Variants in AFDN observed in about 807,000 individuals in gnomAD.
The protein encoded by AFDN is afadin, adherens junction formation factor.
Under a neutral mutation model 216.6 loss-of-function variants are expected in AFDN, and 68 were observed. The ratio of observed to expected loss-of-function variants is 0.31; its 90% CI spans 0.26 to 0.38. AFDN has a LOEUF of 0.38. AFDN is among the 10% of genes least tolerant of loss of function. AFDN has a pLI of 1.00. For synonymous variants in AFDN, 868 were observed against 853.7 expected, an observed-to-expected ratio of 1.02 and a Z score of -0.29; for missense variants, 2,136 against 2,342.0, an observed-to-expected ratio of 0.91 and a Z score of 1.82.
rs1790944171 is a variant in AFDN at position 167,915,524 on chromosome 6, T to G, written c.2565+91T>G. On this transcript the variant is annotated intron_variant, in intron 19 of 33. Coordinates refer to ENST00000683244, the MANE Select transcript of AFDN (RefSeq NM_001386888.1). ...GCAAGAGCTTCAATGCAGCAAAACC[T>G]CAATACCCTCTTTTTGGGGTTTTTC... is the stretch of plus-strand genomic sequence containing the variant. 9.1e-6 allele frequency: 13 copies of G among 1,421,792 alleles called. No individual in the cohort carries two copies. In the African/African-American group the frequency reaches 1.3e-4, roughly 14 times the overall value. The allele number at this position is 1,421,792 out of a possible 1,614,324, so 88.1% of individuals were successfully genotyped here.
intron 1 of AFDN, among the ~76,000 whole-genome samples, chr6:167,855,873 A>G (rs1291614168): frequency 6.6e-6 from 1 of 152,182 alleles, no homozygotes; most frequent in Non-Finnish European, 1.5e-5. Context: ...CTGAGAAATG[A>G]TAAGTCATAG....
intron 21 of AFDN, 32 bp downstream of exon 21, chr6:167,918,965 A>G (rs749231174): frequency 2.2e-5 from 34 of 1,578,224 alleles, no homozygotes; most frequent in South Asian, 4.5e-5. Context: ...AGTCTGAGCT[A>G]CGCCCCAGGT....
chr6:167,888,275 GAA>G (rs1416380902), intron 6 of AFDN, among the ~76,000 whole-genome samples: 2 of 152,058 alleles, frequency 1.3e-5, no homozygotes, highest in Non-Finnish European at 2.9e-5. Context: ...AGTGTAGAGA[GAA>G]ATTACAGGGT....
At position 167,844,177 on chromosome 6, in the gene AFDN, AGTGTGTGTGTGT is replaced by A. The variant is rs71004173; in HGVS notation, c.105+16971_105+16982del. Among the ~76,000 whole-genome samples, 1,243 of 141,782 alleles carry A rather than the reference AGTGTGTGTGTGT, an allele frequency of 8.8e-3. 21 individuals carry two copies. The highest frequency in any genetic ancestry group is 0.029 in the African/African-American group (1,103 of 37,846). The allele number at this position is 141,782 out of a possible 152,430, so 93.0% of individuals were successfully genotyped here. On this transcript the variant is annotated intron_variant, in intron 1 of 33. Coordinates refer to ENST00000683244, the MANE Select transcript of AFDN (RefSeq NM_001386888.1). ...TTTGCTCTTGTAGACTCAAAAATGA[AGTGTGTGTGTGT>A]GTGTGTGTGTGTGTGTGTGTGTGTG...
chr6:167,879,589 GACC>G (rs1281980375), intron 5 of AFDN, among the ~76,000 whole-genome samples: 1 of 152,132 alleles, frequency 6.6e-6, no homozygotes, highest in East Asian at 1.9e-4. Context: ...ATTAATCTTG[GACC>G]ATAGGTAGAA....
chr6:167,835,763 T>C (rs929386079), intron 1 of AFDN, among the ~76,000 whole-genome samples: 4 of 152,220 alleles, frequency 2.6e-5, no homozygotes, highest in African/African-American at 9.6e-5. Flanking sequence ...TGTCAAAATA[T>C]TACTAAGAAA....
At chr6:167,886,656 GTTTT>G (rs560783190) in intron 6 of AFDN, among the ~76,000 whole-genome samples, 110 of 152,256 alleles carry the variant, frequency 7.2e-4, no homozygotes, top group African/African-American at 2.5e-3. Flanking sequence ...GATATGATGG[GTTTT>G]TTAAGTGGTC....
At chr6:167,844,177 A>AGT (rs71004173) in intron 1 of AFDN, among the ~76,000 whole-genome samples, 9,344 of 141,660 alleles carry the variant, frequency 0.066, 360 homozygotes, top group East Asian at 0.15. Flanking sequence ...TCAAAAATGA[A>AGT]GTGTGTGTGT....
chr6:167,953,822 C>A (rs993505815), intron 30 of AFDN, among the ~76,000 whole-genome samples: 2 of 152,134 alleles, frequency 1.3e-5, no homozygotes, highest in African/African-American at 4.8e-5. Context: ...ATCCTAAGGA[C>A]GTTCATGGCC....
At chr6:167,960,664 G>A (rs979944746) in intron 30 of AFDN, among the ~76,000 whole-genome samples, 2 of 152,104 alleles carry the variant, frequency 1.3e-5, no homozygotes, top group African/African-American at 4.8e-5. Context: ...GTTTCTCCTA[G>A]TTCTCCTAGT....
At chr6:167,839,507 A>G (rs1418620684) in intron 1 of AFDN, among the ~76,000 whole-genome samples, 1 of 152,154 alleles carries the variant, frequency 6.6e-6, no homozygotes, top group Non-Finnish European at 1.5e-5. Context: ...ACTTTGTCAG[A>G]GATGAAGGAA....
rs145723850 is a variant in AFDN at position 167,951,692 on chromosome 6, G to A, written c.4338G>A (p.Arg1446=). Reference sequence around the variant, plus strand: ...AGAGGAAGCGGAGAGAGCAGGAGAGGAAGTTGGGCCAGATGCGCACTCAGT... The same window carrying A: ...AGAGGAAGCGGAGAGAGCAGGAGAGAAAGTTGGGCCAGATGCGCACTCAGT... ...ERERKRREQE[R]KLGQMRTQSL... is the part of the protein sequence containing the mutation. Residue 1446 remains arginine, a synonymous_variant, in exon 30 of 34, where the codon AGG becomes AGA. Transcript: ENST00000683244. The surrounding 1 kb of genome is among the most constrained non-coding windows in gnomAD (Gnocchi z 7.1). The A allele has an allele frequency of 1.5e-5, 25 of 1,613,950 alleles. No homozygotes were observed. Among genetic ancestry groups the A allele is most frequent in the Admixed American group, 3.3e-5 (2 of 60,002 alleles).
Position 167,896,868 on chromosome 6 carries a change from C to T in AFDN, c.1223-10C>T, listed in dbSNP as rs1258410653. On this transcript the variant is annotated splice_polypyrimidine_tract_variant and intron_variant, in intron 9 of 33. Coordinates refer to ENST00000683244, the MANE Select transcript of AFDN (RefSeq NM_001386888.1). ...TTGCAAATAGAGCTGTCTTCCTTCT[C>T]TTCTCACAGATGGTTCTGACTCTAG... is the stretch of plus-strand genomic sequence containing the variant. 3.2e-5 allele frequency: 51 copies of T among 1,580,470 alleles called. No individual in the cohort carries two copies. The highest frequency in any genetic ancestry group is 4.3e-5 in the Non-Finnish European group (49 of 1,150,746).
At chr6:167,924,866 T>G (rs1792301774) in intron 22 of AFDN, 139 bp from the exon 23 acceptor site, 1 of 746,934 alleles carries the variant, frequency 1.3e-6, no homozygotes, top group African/African-American at 1.7e-5. Flanking sequence ...AATTGAAATT[T>G]TTTTTACTGT....
rs564546190 is a variant in AFDN, at chr6:167,857,522, C to T, written c.106-7029C>T. On this transcript the variant is annotated intron_variant, in intron 1 of 33. Transcript: ENST00000683244. The stretch of plus-strand genomic sequence containing the variant: ...TTTTACTGGCTAGATAGTTCCCTGT[C>T]ACTAGATTTTTTTCAGGGGGTTCTT... Among the ~76,000 whole-genome samples the T allele has an allele frequency of 2.8e-4, 43 of 152,112 alleles. No homozygotes were observed. In the South Asian group the frequency reaches 8.5e-3, roughly 30 times the overall value.
intron 5 of AFDN, among the ~76,000 whole-genome samples, chr6:167,878,500 G>A (rs1364268628): frequency 2.0e-5 from 3 of 152,154 alleles, no homozygotes; most frequent in African/African-American, 7.2e-5. Context: ...GAAAGCACAA[G>A]TGACATTTTG....
intron 1 of AFDN, among the ~76,000 whole-genome samples, chr6:167,828,242 C>T (rs144432658): frequency 2.8e-4 from 42 of 152,318 alleles, no homozygotes; most frequent in African/African-American, 9.9e-4. Context: ...CTATAAAATA[C>T]TAGCTCCTAG....
In AFDN at chr6:167,918,821, G is replaced by A; in HGVS notation, c.2796G>A (p.Glu932=). 2 of 1,612,890 alleles carry A rather than the reference G, an allele frequency of 1.2e-6. No homozygotes were observed. The highest frequency in any genetic ancestry group is 1.7e-6 in the Non-Finnish European group (2 of 1,179,250). Residue 932 remains glutamate, a synonymous_variant, in exon 21 of 34, where the codon GAG becomes GAA. Transcript: ENST00000683244. ...RSDGREVQLE[E]DPDLQLPFLL... ...ATGGAAGGGAAGTGCAGTTGGAGGA[G>A]GATCCTGATCTGCAGCTGCCGTTTC... is the stretch of plus-strand genomic sequence containing the variant.
intron 1 of AFDN, among the ~76,000 whole-genome samples, chr6:167,850,947 A>G (rs1187591784): frequency 1.3e-5 from 2 of 151,992 alleles, no homozygotes; most frequent in South Asian, 2.1e-4. Context: ...ATCTCGGCTC[A>G]TTGCAACCTC....
Sources: gnomAD v4.1 joint callset for allele counts (sites outside exome capture counted in the v4.1 genomes callset) on GRCh38, gnomAD v4.1.1 for gene constraint, Gnocchi (gnomAD v3.1) non-coding constraint, MANE v1.5 for transcripts, NCBI Gene and HGNC (gene_info 2026-07-23, HGNC 2026-07-21) for gene names.